Variants in SPAG16 observed in about 807,000 individuals in gnomAD.
The protein encoded by SPAG16 is sperm associated antigen 16, also known as sperm-associated antigen 16 protein.
SPAG16 carries 86 observed loss-of-function variants against 80.4 expected under a neutral mutation model. That is an observed-to-expected ratio of 1.07 (90% confidence interval 0.90 to 1.28). The LOEUF (loss-of-function observed/expected upper bound fraction) is 1.28. SPAG16 is among the 50% of genes most tolerant of loss of function. The probability of loss-of-function intolerance (pLI) is 0.00; values close to 1 mark genes in which losing one functional copy is unlikely to be tolerated. For synonymous variants in SPAG16, 294 were observed against 265.9 expected (o/e 1.11, Z -1.03); for missense variants, 870 against 765.3 (o/e 1.14, Z -1.61).
At chr2:214,303,876 G>A (rs552988149) in intron 15 of SPAG16, among the ~76,000 whole-genome samples, 16 of 151,944 alleles carry the variant, frequency 1.1e-4, no homozygotes, top group African/African-American at 3.9e-4. Flanking sequence ...TAACTTTTAA[G>A]TTCAGGGTTA....
chr2:213,745,431 C>T (rs1250708934), intron 10 of SPAG16, among the ~76,000 whole-genome samples: 5 of 151,996 alleles, frequency 3.3e-5, no homozygotes, highest in African/African-American at 9.7e-5. Context: ...TTAGTAGAGA[C>T]GGAGTTTCAC....
chr2:213,976,036 T>G (rs546795512), intron 12 of SPAG16, among the ~76,000 whole-genome samples: 8 of 150,270 alleles, frequency 5.3e-5, no homozygotes, highest in African/African-American at 1.7e-4. Context: ...CTCCTCTTCA[T>G]ACAGCTTCAT....
At chr2:213,672,350 T>C (rs547160513) in intron 10 of SPAG16, among the ~76,000 whole-genome samples, 1 of 152,080 alleles carries the variant, frequency 6.6e-6, no homozygotes, top group Non-Finnish European at 1.5e-5. Flanking sequence ...TTTCCTTTCC[T>C]TTCCTTCCTC....
intron 13 of SPAG16, among the ~76,000 whole-genome samples, chr2:214,039,026 A>G (rs1328847640): frequency 1.3e-5 from 2 of 152,194 alleles, no homozygotes; most frequent in Non-Finnish European, 2.9e-5. Flanking sequence ...TCTTTATAGC[A>G]GCATGATTTA....
intron 13 of SPAG16, among the ~76,000 whole-genome samples, chr2:214,101,528 T>C (rs1331630061): frequency 6.6e-6 from 1 of 151,994 alleles, no homozygotes; most frequent in African/African-American, 2.4e-5. Context: ...GTCATTTCCA[T>C]TCACCACTCT....
intron 10 of SPAG16, among the ~76,000 whole-genome samples, chr2:213,754,008 GA>G (rs2125497051): frequency 6.6e-6 from 1 of 152,312 alleles, no homozygotes; most frequent in Admixed American, 6.5e-5. Context: ...TGGACACAGA[GA>G]TATCTTGAGA....
At chr2:214,077,104 G>A (rs997865717) in intron 13 of SPAG16, among the ~76,000 whole-genome samples, 3 of 152,124 alleles carry the variant, frequency 2.0e-5, no homozygotes, top group African/African-American at 7.2e-5. Flanking sequence ...ATAATCTGAT[G>A]ATACAGATGT....
intron 12 of SPAG16, among the ~76,000 whole-genome samples, chr2:213,953,413 A>G (rs2043956786): frequency 6.6e-6 from 1 of 151,896 alleles, no homozygotes; most frequent in Admixed American, 6.6e-5. Flanking sequence ...GAAAAAGTAT[A>G]TAAAAAAGTA....
At chr2:214,292,123 T>C (rs188477548) in intron 15 of SPAG16, among the ~76,000 whole-genome samples, 1 of 152,328 alleles carries the variant, frequency 6.6e-6, no homozygotes, top group East Asian at 1.9e-4. Context: ...AGTGTTAGTC[T>C]GATGGGAGTT....
rs1559555609 is a variant in SPAG16 at position 213,889,615 on chromosome 2, A to AC, written c.1214+26987_1214+26988insC. ...CTTGTTGCTCACACACACACACACAAAATATATATATACATATACATATAC... is the reference window on the plus strand; with the variant it reads ...CTTGTTGCTCACACACACACACACAACAATATATATATACATATACATATAC... On this transcript the variant is annotated intron_variant, in intron 11 of 15. Coordinates refer to ENST00000331683, the MANE Select transcript of SPAG16 (RefSeq NM_024532.5). Among the ~76,000 whole-genome samples the AC allele has an allele frequency of 3.6e-4, 54 of 149,776 alleles. 1 individual carries two copies. The highest frequency in any genetic ancestry group is 2.3e-3 in the South Asian group (11 of 4,748).
chr2:214,169,436 C>T (rs2056791244), intron 15 of SPAG16, among the ~76,000 whole-genome samples: 1 of 151,896 alleles, frequency 6.6e-6, no homozygotes, highest in Non-Finnish European at 1.5e-5. Context: ...CAGTACTTTG[C>T]ATTTTGGTCA....
chr2:214,062,418 C>CAAAA (rs56693089), intron 13 of SPAG16, among the ~76,000 whole-genome samples: 5 of 55,392 alleles, frequency 9.0e-5, no homozygotes, highest in South Asian at 9.5e-4. Flanking sequence ...GACTCTGACT[C>CAAAA]AAAAAAAAAA....
chr2:214,105,662 TC>T (rs1412559822), intron 13 of SPAG16, among the ~76,000 whole-genome samples: 2 of 152,184 alleles, frequency 1.3e-5, no homozygotes, highest in Non-Finnish European at 2.9e-5. Context: ...TGTAAACTCT[TC>T]TTTCTTTTTT....
chr2:213,696,035 G>T (rs2065140257), intron 10 of SPAG16, among the ~76,000 whole-genome samples: 1 of 152,138 alleles, frequency 6.6e-6, no homozygotes, highest in Non-Finnish European at 1.5e-5. Flanking sequence ...TGATTTTAGG[G>T]TGATACTAGG....
At chr2:214,294,699 A>G (rs180916140) in intron 15 of SPAG16, among the ~76,000 whole-genome samples, 41 of 152,296 alleles carry the variant, frequency 2.7e-4, no homozygotes, top group African/African-American at 7.5e-4. Flanking sequence ...GACTCCAAAG[A>G]TTATCTGATA....
chr2:214,023,353 T>C (rs2047976441), intron 13 of SPAG16, among the ~76,000 whole-genome samples: 1 of 151,788 alleles, frequency 6.6e-6, no homozygotes, highest in Non-Finnish European at 1.5e-5. Context: ...TTTCACATCT[T>C]TCCCTAGAGG....
chr2:213,391,096 C>T (rs998980983), intron 9 of SPAG16, among the ~76,000 whole-genome samples: 4 of 151,884 alleles, frequency 2.6e-5, no homozygotes, highest in African/African-American at 9.7e-5. Flanking sequence ...GGTGAAACCC[C>T]GTCTCTACTA....
chr2:214,001,856 T>C (rs1446110930), intron 12 of SPAG16, among the ~76,000 whole-genome samples: 1 of 152,194 alleles, frequency 6.6e-6, no homozygotes, highest in Non-Finnish European at 1.5e-5. Context: ...AGTAAGAGTT[T>C]GTGCGTATTA....
chr2:213,441,388 A>C (rs2070944890), intron 9 of SPAG16, among the ~76,000 whole-genome samples: 1 of 152,248 alleles, frequency 6.6e-6, no homozygotes, highest in African/African-American at 2.4e-5. Flanking sequence ...AGGCAGCTAG[A>C]AACAACATAT....
Sources: gnomAD v4.1 joint callset for allele counts (sites outside exome capture counted in the v4.1 genomes callset) on GRCh38, gnomAD v4.1.1 for gene constraint, MANE v1.5 for transcripts, NCBI Gene and HGNC (gene_info 2026-07-23, HGNC 2026-07-21) for gene names.